The following FAM50B variants were observed in gnomAD, a reference collection of about 807,000 sequenced individuals.
FAM50B encodes the protein family with sequence similarity 50 member B, also known as protein FAM50B.
A neutral mutation model predicts 25.4 loss-of-function variants in FAM50B; 9 were observed. The ratio of observed to expected loss-of-function variants is 0.35; its 90% confidence interval spans 0.21 to 0.62. The LOEUF is 0.62. Ranked by LOEUF, FAM50B falls within the 20% of genes least tolerant of loss-of-function variation. FAM50B has a pLI of 0.73. For synonymous variants in FAM50B, 212 were observed against 204.3 expected (o/e 1.04, Z -0.32); for missense variants, 372 against 477.9 (o/e 0.78, Z 2.07).
rs941583529 is a variant in FAM50B, at chr6:3,850,757, G to A, written c.946G>A (p.Glu316Lys). 4.3e-5 allele frequency: 69 copies of A among 1,613,846 alleles called. No individual in the cohort carries two copies. The highest frequency in any genetic ancestry group is 5.6e-5 in the Non-Finnish European group (66 of 1,180,022). ...PASRWEAYDPEKKWDKYTIR is the reference protein window; with the variant it reads ...PASRWEAYDPKKKWDKYTIR ...CAGCCGCTGGGAGGCCTATGACCCCGAGAAGAAGTGGGACAAGTACACCAT... is the reference window on the plus strand; with the variant it reads ...CAGCCGCTGGGAGGCCTATGACCCCAAGAAGAAGTGGGACAAGTACACCAT... The change falls in exon 2 of 2, where the codon GAG (glutamate) becomes AAG (lysine). Residue 316 changes from glutamate (E) to lysine (K), a missense_variant. By Grantham distance (56) the Glu-to-Lys change is moderately conservative. This residue lies in a region of FAM50B where 57 missense variants were observed against 65.8 expected (regional missense o/e 0.87). Coordinates refer to ENST00000648326, the MANE Select transcript of FAM50B (RefSeq NM_012135.3).
the FAM50B span, among the ~76,000 whole-genome samples, chr6:3,835,599 C>A: frequency 6.6e-6 from 1 of 152,196 alleles, no homozygotes; most frequent in Non-Finnish European, 1.5e-5. Flanking sequence ...ACAGGAGGAA[C>A]AACGCAAACA....
chr6:3,838,836 A>AT, the FAM50B span, among the ~76,000 whole-genome samples: 1 of 129,170 alleles, frequency 7.7e-6, no homozygotes, highest in Non-Finnish European at 1.6e-5. Flanking sequence ...GCAAGACTCC[A>AT]TCTCAAAAAA....
At position 3,850,098 on chromosome 6, in the gene FAM50B, A is replaced by C. The variant is rs552666804; in HGVS notation, c.287A>C (p.Glu96Ala). 6.2e-7 allele frequency: 1 copy of C among 1,610,338 alleles called. No homozygotes were observed. The highest frequency in any genetic ancestry group is 1.3e-5 in the African/African-American group (1 of 74,980). ...CTGGCCAAGCGCCAGCACCTGGAGG[A>C]GCAGCGGCTGCAGCAGGAGCGGCAG... ...RQLAKRQHLE[E>A]QRLQQERQRE... is the part of the protein sequence containing the mutation. Residue 96 changes from glutamate (E) to alanine (A), a missense_variant, in exon 2 of 2, where the codon GAG becomes GCG. Coordinates refer to ENST00000648326, the MANE Select transcript of FAM50B (RefSeq NM_012135.3).
At chr6:3,840,140 A>C in the FAM50B span, among the ~76,000 whole-genome samples, 477 of 152,032 alleles carry the variant, frequency 3.1e-3, 3 homozygotes, top group African/African-American at 0.011. Context: ...CTACAGGCGC[A>C]CACCACCATG....
At chr6:3,845,627 T>G (rs998295859), upstream of FAM50B, among the ~76,000 whole-genome samples, 5 of 152,144 alleles carry the variant, frequency 3.3e-5, no homozygotes, top group Non-Finnish European at 7.4e-5. Flanking sequence ...AGGCTTCCTC[T>G]TGGAGATGAC....
Position 3,850,952 on chromosome 6 carries a change from T to G in FAM50B, c.*163T>G. 8.5e-7 allele frequency: 1 copy of G among 1,173,416 alleles called. No homozygotes were observed. Among genetic ancestry groups the G allele is most frequent in the Non-Finnish European group, 1.2e-6 (1 of 847,578 alleles). The allele number at this position is 1,173,416 out of a possible 1,614,324, so 72.7% of individuals were successfully genotyped here. On this transcript the variant is annotated 3_prime_UTR_variant, in exon 2 of 2. Coordinates refer to ENST00000648326, the MANE Select transcript of FAM50B (RefSeq NM_012135.3). Reference sequence around the variant, plus strand: ...GTTGTGCTATTGCTGATGTTATGCTTTGGTTGCTTGGTTGGTCTTTTCTGA... The same window carrying G: ...GTTGTGCTATTGCTGATGTTATGCTGTGGTTGCTTGGTTGGTCTTTTCTGA...
upstream of FAM50B, among the ~76,000 whole-genome samples, chr6:3,847,272 G>C (rs1353294913): frequency 6.6e-6 from 1 of 152,224 alleles, no homozygotes; most frequent in African/African-American, 2.4e-5. Context: ...TCTTCCAATA[G>C]AAGGCTATTT....
chr6:3,850,353 A>C lies in FAM50B; in HGVS notation c.542A>C (p.Lys181Thr). ...TGGGAGGCGCAGCGCGAGAAAGTGAAGGACGAGGAGATGGAGGTCACCTTC... is the reference window on the plus strand; with the variant it reads ...TGGGAGGCGCAGCGCGAGAAAGTGACGGACGAGGAGATGGAGGTCACCTTC... ...QEWEAQREKV[K>T]DEEMEVTFSY... Residue 181 changes from lysine to threonine, a missense_variant, in exon 2 of 2, where the codon AAG becomes ACG. Transcript: ENST00000648326. The C allele has an allele frequency of 6.2e-7, 1 of 1,613,366 alleles. No individual in the cohort carries two copies. The highest frequency in any genetic ancestry group is 8.5e-7 in the Non-Finnish European group (1 of 1,179,868).
At chr6:3,841,318 C>T in the FAM50B span, among the ~76,000 whole-genome samples, 3 of 152,144 alleles carry the variant, frequency 2.0e-5, no homozygotes, top group Admixed American at 6.5e-5. Flanking sequence ...TGGAGGATCA[C>T]GATAGCTCTG....
chr6:3,850,363 G>T lies in FAM50B; in HGVS notation c.552G>T (p.Glu184Asp). The change falls in exon 2 of 2, where the codon GAG (glutamate) becomes GAT (aspartate). Residue 184 changes from glutamate to aspartate, a missense_variant. This residue lies in a region of FAM50B where 224 missense variants were observed against 232.2 expected (regional missense o/e 0.96). Transcript: ENST00000648326. ...EAQREKVKDE[E>D]MEVTFSYWDG... ...AGCGCGAGAAAGTGAAGGACGAGGA[G>T]ATGGAGGTCACCTTCAGCTACTGGG... 6.2e-7 allele frequency: 1 copy of T among 1,613,468 alleles called. No individual in the cohort carries two copies. Among genetic ancestry groups the T allele is most frequent in the Non-Finnish European group, 8.5e-7 (1 of 1,179,920 alleles).
chr6:3,838,122 C>T, the FAM50B span, among the ~76,000 whole-genome samples: 1 of 152,174 alleles, frequency 6.6e-6, no homozygotes. Flanking sequence ...ACCATATAAC[C>T]TAGCAATCCT....
the FAM50B span, among the ~76,000 whole-genome samples, chr6:3,843,441 A>G: frequency 9.4e-3 from 1,430 of 152,334 alleles, 14 homozygotes; most frequent in Middle Eastern, 0.02. Context: ...TCAAACATGT[A>G]TTACTTTGAT....
Position 3,850,509 on chromosome 6 carries a change from A to T in FAM50B, c.698A>T (p.Glu233Val), listed in dbSNP as rs767412879. The T allele has an allele frequency of 1.2e-6, 2 of 1,613,786 alleles. No homozygotes were observed. The highest frequency in any genetic ancestry group is 1.7e-6 in the Non-Finnish European group (2 of 1,180,012). ...DFLELRSAGV[E>V]QLMFIKEDLI... The stretch of plus-strand genomic sequence containing the variant: ...CTGGAGCTGCGCTCCGCCGGCGTGG[A>T]GCAGCTCATGTTCATCAAGGAGGAC... The change falls in exon 2 of 2, where the codon GAG becomes GTG. Residue 233 changes from glutamate to valine, a missense_variant. Around this residue, in one of 4 missense-constraint regions of FAM50B, gnomAD observed 224 missense variants for 232.2 expected, o/e 0.96. Coordinates refer to ENST00000648326, the MANE Select transcript of FAM50B (RefSeq NM_012135.3).
At chr6:3,833,580 G>T in the FAM50B span, 1 of 152,160 alleles carries the variant, frequency 6.6e-6, no homozygotes, top group Admixed American at 6.5e-5. Flanking sequence ...CCCAGCTTTA[G>T]GGTAGGCCCT....
chr6:3,835,978 A>C, the FAM50B span, among the ~76,000 whole-genome samples: 1 of 152,218 alleles, frequency 6.6e-6, no homozygotes, highest in Non-Finnish European at 1.5e-5. Context: ...ATTGAAAGTG[A>C]AAATGTAGCA....
At chr6:3,839,470 G>T in the FAM50B span, among the ~76,000 whole-genome samples, 1 of 152,128 alleles carries the variant, frequency 6.6e-6, no homozygotes, top group Non-Finnish European at 1.5e-5. Flanking sequence ...GTAGATCAGT[G>T]GTTGCCAGGG....
upstream of FAM50B, among the ~76,000 whole-genome samples, chr6:3,845,318 G>A (rs532902255): frequency 2.6e-5 from 4 of 152,322 alleles, no homozygotes; most frequent in African/African-American, 7.2e-5. Flanking sequence ...TTTGGAGGCC[G>A]TGACTGAGTT....
chr6:3,838,165 A>C, the FAM50B span, among the ~76,000 whole-genome samples: 3 of 152,332 alleles, frequency 2.0e-5, no homozygotes, highest in East Asian at 3.9e-4. Context: ...ACAAGCTGGG[A>C]CTGGGCCTGG....
At chr6:3,838,708 T>C in the FAM50B span, among the ~76,000 whole-genome samples, 5 of 151,620 alleles carry the variant, frequency 3.3e-5, no homozygotes, top group African/African-American at 1.2e-4. Flanking sequence ...AGGCATGGTG[T>C]TGGGCACCTG....
Sources: gnomAD v4.1 joint callset for allele counts (sites outside exome capture counted in the v4.1 genomes callset) on GRCh38, gnomAD v4.1.1 for gene constraint, gnomAD v4.1.1 regional missense constraint, MANE v1.5 for transcripts, NCBI Gene and HGNC (gene_info 2026-07-23, HGNC 2026-07-21) for gene names.